ADAMTS6: variants seen among roughly 807,000 people sequenced by gnomAD.
The protein encoded by ADAMTS6 is ADAM metallopeptidase with thrombospondin type 1 motif 6, also known as A disintegrin and metalloproteinase with thrombospondin motifs 6.
Under a neutral mutation model 144.3 loss-of-function variants are expected in ADAMTS6, and 23 were observed. The ratio of observed to expected loss-of-function variants is 0.16; its 90% CI spans 0.11 to 0.23. The LOEUF is 0.23. Ranked by LOEUF, ADAMTS6 falls within the 10% of genes least tolerant of loss-of-function variation. The pLI, the probability that ADAMTS6 is intolerant of heterozygous loss-of-function variation, is 1.00. For synonymous variants in ADAMTS6, 444 were observed against 457.5 expected (o/e 0.97, Z 0.38); for missense variants, 999 against 1,379.6 (o/e 0.72, Z 4.37).
chr5:65,291,446 A>T lies in ADAMTS6; in HGVS notation c.1395T>A (p.Asp465Glu). The change falls in exon 11 of 25, where the codon GAT (aspartate) becomes GAA (glutamate). Residue 465 changes from aspartate to glutamate, a missense_variant. This residue lies in a region of ADAMTS6 where 619 missense variants were observed against 837.0 expected (regional missense o/e 0.74). Transcript: ENST00000381055. The stretch of plus-strand genomic sequence containing the variant: ...GAAAGTCACGCTTGGGAGGCTCATT[A>T]TCAAGGCAAGTACCACGGCCTGAAC... Reference protein sequence around the residue: ...FLDSGRGTCLDNEPPKRDFLY... With the variant: ...FLDSGRGTCLENEPPKRDFLY... 6.2e-7 allele frequency: 1 copy of T among 1,613,976 alleles called. No individual in the cohort carries two copies. The highest frequency in any genetic ancestry group is 1.1e-5 in the South Asian group (1 of 91,052).
At chr5:65,354,365 A>T (rs899785163) in intron 7 of ADAMTS6, among the ~76,000 whole-genome samples, 23 of 151,722 alleles carry the variant, frequency 1.5e-4, no homozygotes, top group African/African-American at 5.3e-4. Flanking sequence ...AATGGGGAAA[A>T]TAATGGCTAC....
intron 7 of ADAMTS6, among the ~76,000 whole-genome samples, chr5:65,431,227 G>A (rs1400611153): frequency 6.6e-6 from 1 of 151,956 alleles, no homozygotes; most frequent in Non-Finnish European, 1.5e-5. Context: ...CATAGGCTTT[G>A]GTTTCTCAAT....
At chr5:65,419,002 A>T (rs1755789185) in intron 7 of ADAMTS6, among the ~76,000 whole-genome samples, 3 of 152,222 alleles carry the variant, frequency 2.0e-5, no homozygotes, top group African/African-American at 7.2e-5. Context: ...TTTTTCAAAG[A>T]ACTTGAAACC....
chr5:65,343,872 C>G (rs912817472), intron 7 of ADAMTS6, among the ~76,000 whole-genome samples: 1 of 151,902 alleles, frequency 6.6e-6, no homozygotes, highest in African/African-American at 2.4e-5. Context: ...ACAAACAATC[C>G]ATTTAAGGAA....
At chr5:65,268,018 C>G (rs998292422) in intron 12 of ADAMTS6, among the ~76,000 whole-genome samples, 1 of 152,178 alleles carries the variant, frequency 6.6e-6, no homozygotes, top group Admixed American at 6.5e-5. Context: ...ACTATTCTTT[C>G]TTCACTTCCT....
At chr5:65,343,136 C>T (rs752064068) in intron 7 of ADAMTS6, among the ~76,000 whole-genome samples, 10 of 151,978 alleles carry the variant, frequency 6.6e-5, no homozygotes, top group African/African-American at 9.7e-5. Flanking sequence ...AATCAATGTA[C>T]GGATTTAATG....
chr5:65,407,972 T>C (rs546751449), intron 7 of ADAMTS6, among the ~76,000 whole-genome samples: 1 of 152,264 alleles, frequency 6.6e-6, no homozygotes, highest in African/African-American at 2.4e-5. Flanking sequence ...CCACCAGGCC[T>C]GCCTTACAAG....
chr5:65,359,958 T>C (rs1051517342), intron 7 of ADAMTS6, among the ~76,000 whole-genome samples: 4 of 152,200 alleles, frequency 2.6e-5, no homozygotes, highest in Admixed American at 2.0e-4. Flanking sequence ...TAATAATGTA[T>C]ACTTAAAAAT....
At chr5:65,404,814 C>T (rs1350154128) in intron 7 of ADAMTS6, among the ~76,000 whole-genome samples, 1 of 152,116 alleles carries the variant, frequency 6.6e-6, no homozygotes, top group South Asian at 2.1e-4. Flanking sequence ...CTGTTGTTTC[C>T]TGACTTTTTA....
intron 7 of ADAMTS6, among the ~76,000 whole-genome samples, chr5:65,364,996 T>G (rs9291835): frequency 0.57 from 87,004 of 151,850 alleles, 26,354 homozygotes; most frequent in African/African-American, 0.78. Flanking sequence ...ACTTATTTCT[T>G]TCCTTTTAAA....
At position 65,242,159 on chromosome 5, in the gene ADAMTS6, G is replaced by A; in HGVS notation, c.1878C>T (p.Asp626=). Reference sequence around the variant, plus strand: ...TTCCTCGGAAAGGCATATTGTCAAAGTCTGCACACTGTTTCTCTCGAAAAT... The same window carrying A: ...TTCCTCGGAAAGGCATATTGTCAAAATCTGCACACTGTTTCTCTCGAAAAT... ...SRDFREKQCA[D]FDNMPFRGKY... The change falls in exon 15 of 25, where the codon GAC becomes GAT. Residue 626 remains aspartate, a synonymous_variant. Coordinates refer to ENST00000381055, the MANE Select transcript of ADAMTS6 (RefSeq NM_197941.4). The A allele has an allele frequency of 1.2e-6, 2 of 1,603,382 alleles. No individual in the cohort carries two copies. The highest frequency in any genetic ancestry group is 2.2e-5 in the East Asian group (1 of 44,660).
intron 15 of ADAMTS6, among the ~76,000 whole-genome samples, chr5:65,233,753 G>A (rs913167082): frequency 6.6e-6 from 1 of 151,816 alleles, no homozygotes; most frequent in Admixed American, 6.6e-5. Flanking sequence ...TTCCAATGAC[G>A]TTTTTCACAA....
chr5:65,154,877 C>T (rs1005863617), intron 24 of ADAMTS6, among the ~76,000 whole-genome samples: 9 of 152,118 alleles, frequency 5.9e-5, no homozygotes, highest in Admixed American at 1.3e-4. Context: ...TACACATTTA[C>T]GCATTTAAGC....
chr5:65,414,438 A>G (rs899106071), intron 7 of ADAMTS6, among the ~76,000 whole-genome samples: 1 of 152,134 alleles, frequency 6.6e-6, no homozygotes, highest in Non-Finnish European at 1.5e-5. Flanking sequence ...AAGAAGGTCA[A>G]GGGAAAGATT....
At chr5:65,404,999 T>C (rs1185983334) in intron 7 of ADAMTS6, among the ~76,000 whole-genome samples, 1 of 152,232 alleles carries the variant, frequency 6.6e-6, no homozygotes, top group African/African-American at 2.4e-5. Flanking sequence ...GTTGTTTGTT[T>C]TCTTCTTGTA....
At chr5:65,179,957 CGCA>C in intron 22 of ADAMTS6, among the ~76,000 whole-genome samples, 2 of 22,360 alleles carry the variant, frequency 8.9e-5, no homozygotes, top group South Asian at 1.6e-3. Flanking sequence ...TGCACGCACG[CGCA>C]CACACACACA....
chr5:65,285,705 T>C (rs765933395), intron 11 of ADAMTS6, among the ~76,000 whole-genome samples: 1 of 152,004 alleles, frequency 6.6e-6, no homozygotes, highest in Non-Finnish European at 1.5e-5. Context: ...TGATAAATGT[T>C]AAGGAAAATG....
At chr5:65,344,190 A>T (rs1748108386) in intron 7 of ADAMTS6, among the ~76,000 whole-genome samples, 1 of 151,968 alleles carries the variant, frequency 6.6e-6, no homozygotes, top group African/African-American at 2.4e-5. Context: ...ACAAAAGCCT[A>T]TGAATAGAGA....
Position 65,473,856 on chromosome 5 carries a change from A to G in ADAMTS6, c.-183T>C. On this transcript the variant is annotated 5_prime_UTR_variant, in exon 2 of 25. It removes an upstream start codon present in the reference 5' UTR. Coordinates refer to ENST00000381055, the MANE Select transcript of ADAMTS6 (RefSeq NM_197941.4). ...TGCACTTTCTTCTATATCTGGATTC[A>G]TTTTCTCAATCCAAAATGAAAAAAA... 2.0e-6 allele frequency: 1 copy of G among 499,752 alleles called. No individual in the cohort carries two copies. The highest frequency in any genetic ancestry group is 3.6e-6 in the Non-Finnish European group (1 of 278,064). 31.0% of individuals were successfully genotyped at this position (499,752 alleles called of 1,614,324 possible).
Sources: gnomAD v4.1 joint callset for allele counts (sites outside exome capture counted in the v4.1 genomes callset) on GRCh38, gnomAD v4.1.1 for gene constraint, gnomAD v4.1.1 regional missense constraint, MANE v1.5 for transcripts, NCBI Gene and HGNC (gene_info 2026-07-23, HGNC 2026-07-21) for gene names.